Variants in RADIL observed in about 807,000 individuals in gnomAD.
RADIL encodes ras-associating and dilute domain-containing protein.
In RADIL, 99 loss-of-function variants were observed where a neutral mutation model predicts 97.6. That is an observed-to-expected ratio of 1.01 (90% CI 0.86 to 1.20). The LOEUF is 1.20. RADIL is among the 50% of genes most tolerant of loss of function. The pLI is 0.00. For synonymous variants in RADIL, 803 were observed against 691.8 expected (o/e 1.16, Z -2.52); for missense variants, 1,765 against 1,498.9 (o/e 1.18, Z -2.93).
rs1784300571 is a variant in RADIL at position 4,873,477 on chromosome 7, G to T, written c.535+4128C>A. 6.6e-6 allele frequency among the ~76,000 whole-genome samples: 1 copy of T among 152,212 alleles called. No individual in the cohort carries two copies. The highest frequency in any genetic ancestry group is 2.4e-5 in the African/African-American group (1 of 41,460). ...GTGAGATCGAACTGTTATCTCACCA[G>T]GGATCAGGGACAGCCCCACGCTGGG... On this transcript the variant is annotated intron_variant, in intron 2 of 14. Coordinates refer to ENST00000399583, the MANE Select transcript of RADIL (RefSeq NM_018059.5). The surrounding 1 kb of genome is among the most constrained non-coding windows in gnomAD (Gnocchi z 4.3).
chr7:4,844,248 A>G (rs1436474509), intron 2 of RADIL, among the ~76,000 whole-genome samples: 3 of 152,122 alleles, frequency 2.0e-5, no homozygotes, highest in Admixed American at 1.3e-4. Flanking sequence ...GATCGAGACC[A>G]TCCTGGCCAA....
intron 2 of RADIL, chr7:4,861,033 G>C: frequency 6.2e-7 from 1 of 1,614,192 alleles, no homozygotes; most frequent in Non-Finnish European, 8.5e-7. Flanking sequence ...TTTGGATAAA[G>C]CTGACAAGTT....
chr7:4,807,039 A>G (rs1027433600), intron 9 of RADIL, among the ~76,000 whole-genome samples: 1 of 151,998 alleles, frequency 6.6e-6, no homozygotes, highest in African/African-American at 2.4e-5. Context: ...GACTGCCTGC[A>G]CCTGCCTTCC....
In RADIL at chr7:4,817,464, C is replaced by T. The variant is rs867101584; in HGVS notation, c.1616-113G>A. 4.3e-4 allele frequency: 381 copies of T among 887,154 alleles called. 2 individuals carry two copies. Among genetic ancestry groups the T allele is most frequent in the Non-Finnish European group, 4.5e-4 (261 of 585,114 alleles). 55.0% of individuals were successfully genotyped at this position (887,154 alleles called of 1,614,324 possible). A position where few individuals can be genotyped will look rare whatever the true frequency, so the allele number is the denominator to read the frequency against. Reference sequence around the variant, plus strand: ...CGCGGGCACCACCCAACGCGCCCATCTGGGGTCCAGATGCGATAAACTGGC... The same window carrying T: ...CGCGGGCACCACCCAACGCGCCCATTTGGGGTCCAGATGCGATAAACTGGC... On this transcript the variant is annotated intron_variant, in intron 6 of 14. Coordinates refer to ENST00000399583, the MANE Select transcript of RADIL (RefSeq NM_018059.5). This position sits in a 1 kb window ranked among gnomAD's most constrained non-coding sequence, Gnocchi z 8.3.
In RADIL at chr7:4,822,695, G is replaced by A. The variant is rs981861670; in HGVS notation, c.1455-141C>T. The A allele has an allele frequency of 2.0e-6, 2 of 1,007,666 alleles. No homozygotes were observed. Among genetic ancestry groups the A allele is most frequent in the African/African-American group, 1.6e-5 (1 of 61,338 alleles). 62.4% of individuals were successfully genotyped at this position (1,007,666 alleles called of 1,614,324 possible). A position where few individuals can be genotyped will look rare whatever the true frequency, so the allele number is the denominator to read the frequency against. On this transcript the variant is annotated intron_variant, in intron 5 of 14. Transcript: ENST00000399583. The surrounding 1 kb of genome is among the most constrained non-coding windows in gnomAD (Gnocchi z 5.3). ...CCATCAACCTGACACTGCTGGGCGG[G>A]GACGTTTAACAATACGTGTACCCGC...
At chr7:4,802,073 A>G in intron 11 of RADIL, 78 bp from the exon 12 acceptor site, 1 of 1,259,362 alleles carries the variant, frequency 7.9e-7, no homozygotes, top group South Asian at 1.6e-5. Flanking sequence ...GGCAGCCTGC[A>G]GCAGAAGGGC....
At position 4,841,807 on chromosome 7, in the gene RADIL, G is replaced by A. The variant is rs868503243; in HGVS notation, c.536-5202C>T. ...CACAAGGCCAGGCCCAGTGGCTCAC[G>A]CCTGTAATCCCAGCACTTTGGGAGG... On this transcript the variant is annotated intron_variant, in intron 2 of 14. Coordinates refer to ENST00000399583, the MANE Select transcript of RADIL (RefSeq NM_018059.5). Among the ~76,000 whole-genome samples the A allele has an allele frequency of 4.3e-4, 65 of 152,372 alleles. 1 individual carries two copies. In the Middle Eastern group the frequency reaches 0.01, roughly 24 times the overall value.
In RADIL at chr7:4,834,787, G is replaced by C; in HGVS notation, c.1236C>G (p.His412Gln). 2 of 1,365,862 alleles carry C rather than the reference G, an allele frequency of 1.5e-6. No homozygotes were observed. Among genetic ancestry groups the C allele is most frequent in the African/African-American group, 3.0e-5 (2 of 66,742 alleles). 84.6% of individuals were successfully genotyped at this position (1,365,862 alleles called of 1,614,324 possible). Residue 412 changes from histidine to glutamine, a missense_variant, in exon 4 of 15, where the codon CAC becomes CAG. Transcript: ENST00000399583. This position sits in a 1 kb window ranked among gnomAD's most constrained non-coding sequence, Gnocchi z 6.0. Reference protein sequence around the residue: ...RQQLLLEFEPHLEDTLLQRIM... With the variant: ...RQQLLLEFEPQLEDTLLQRIM... ...TCCTCTGCAGCAGCGTGTCCTCCAG[G>C]TGGGGCTCAAACTCCAGGAGCAGCT...
chr7:4,878,502 G>A lies in RADIL; in HGVS notation c.-64-299C>T, dbSNP rs949179737. 6.6e-6 allele frequency among the ~76,000 whole-genome samples: 1 copy of A among 152,116 alleles called. No homozygotes were observed. The highest frequency in any genetic ancestry group is 1.5e-5 in the Non-Finnish European group (1 of 68,024). ...TTGCAGTGAGCTATGATAGTGCCAC[G>A]GCCCTCCAGCCCGGGCAGCAGAGCA... On this transcript the variant is annotated intron_variant, in intron 1 of 14. Transcript: ENST00000399583. This position sits in a 1 kb window ranked among gnomAD's most constrained non-coding sequence, Gnocchi z 4.1.
chr7:4,799,595 G>A, intron 14 of RADIL, 35 bp downstream of exon 14: 1 of 1,606,440 alleles, frequency 6.2e-7, no homozygotes, highest in Non-Finnish European at 8.5e-7. Flanking sequence ...AGGGCATCTG[G>A]GAGAAGGGGC....
At chr7:4,839,891 C>A (rs1243260482) in intron 2 of RADIL, among the ~76,000 whole-genome samples, 3 of 152,042 alleles carry the variant, frequency 2.0e-5, no homozygotes, top group African/African-American at 7.2e-5. Flanking sequence ...AGATTACAGG[C>A]ACGTGCCACC....
At chr7:4,808,625 G>T (rs896898924) in intron 9 of RADIL, 80 of 985,286 alleles carry the variant, frequency 8.1e-5, no homozygotes, top group Non-Finnish European at 9.0e-5. Context: ...CAGCCCCGCG[G>T]CCCTGGTCTC....
intron 2 of RADIL, chr7:4,861,589 C>T (rs775880193): frequency 2.5e-6 from 4 of 1,611,896 alleles, no homozygotes; most frequent in African/African-American, 1.3e-5. Flanking sequence ...GTATCCATTC[C>T]TTTACCAGAT....
intron 9 of RADIL, among the ~76,000 whole-genome samples, chr7:4,810,911 G>C (rs567606529): frequency 6.6e-6 from 1 of 152,176 alleles, no homozygotes; most frequent in Non-Finnish European, 1.5e-5. Context: ...TGAGGTGGGC[G>C]GATCACCTGA....
chr7:4,806,126 G>GACAGGAGGCAGGGAAA, intron 9 of RADIL: 1 of 878,852 alleles, frequency 1.1e-6, no homozygotes, highest in Non-Finnish European at 1.4e-6. Flanking sequence ...TCATTTAGGT[G>GACAGGAGGCAGGGAAA]ACAGGAGGCA....
At chr7:4,825,952 G>A (rs1782964736) in intron 5 of RADIL, among the ~76,000 whole-genome samples, 1 of 148,600 alleles carries the variant, frequency 6.7e-6, no homozygotes, top group African/African-American at 2.5e-5. Flanking sequence ...TGTTAAAGGT[G>A]CTCTTTGGGG....
At chr7:4,841,039 G>A (rs1414617031) in intron 2 of RADIL, among the ~76,000 whole-genome samples, 1 of 152,240 alleles carries the variant, frequency 6.6e-6, no homozygotes, top group Non-Finnish European at 1.5e-5. Context: ...AAAGCAAAAT[G>A]GCAGGACGGC....
rs1186993363 is a variant in RADIL at position 4,842,537 on chromosome 7, C to T, written c.536-5932G>A. On this transcript the variant is annotated intron_variant, in intron 2 of 14. Transcript: ENST00000399583. The surrounding 1 kb of genome is among the most constrained non-coding windows in gnomAD (Gnocchi z 4.5). ...TGCGTGCCGGGGGTGCACAGGGAAA[C>T]TGGACAAGCAGCTGGTGACCGTCAC... 1.3e-5 allele frequency among the ~76,000 whole-genome samples: 2 copies of T among 152,126 alleles called. No individual in the cohort carries two copies. Among genetic ancestry groups the T allele is most frequent in the African/African-American group, 4.8e-5 (2 of 41,430 alleles).
intron 2 of RADIL, chr7:4,860,356 A>C (rs765431370): frequency 1.9e-6 from 3 of 1,613,918 alleles, no homozygotes; most frequent in African/African-American, 2.7e-5. Context: ...AATGCATTGC[A>C]GTAATTTTCA....
Sources: gnomAD v4.1 joint callset for allele counts (sites outside exome capture counted in the v4.1 genomes callset) on GRCh38, gnomAD v4.1.1 for gene constraint, Gnocchi (gnomAD v3.1) non-coding constraint, MANE v1.5 for transcripts, NCBI Gene and HGNC (gene_info 2026-07-23, HGNC 2026-07-21) for gene names.